DAB1: variants seen among roughly 807,000 people sequenced by gnomAD.
The protein encoded by DAB1 is DAB adaptor protein 1.
A neutral mutation model predicts 64.6 loss-of-function variants in DAB1; 15 were observed. That is an observed-to-expected ratio of 0.23 (90% CI 0.16 to 0.36). The LOEUF is 0.36. Among genes scored for constraint, DAB1 ranks in the 10% least tolerant of loss-of-function variants. The probability of loss-of-function intolerance (pLI) is 1.00; values close to 1 mark genes in which losing one functional copy is unlikely to be tolerated. For synonymous variants in DAB1, 235 were observed against 251.9 expected, an observed-to-expected ratio of 0.93 and a Z score of 0.64; for missense variants, 596 against 706.7, an observed-to-expected ratio of 0.84 and a Z score of 1.78.
intron 5 of DAB1, among the ~76,000 whole-genome samples, chr1:57,923,086 C>T (rs182874778): frequency 1.1e-3 from 164 of 150,304 alleles, no homozygotes; most frequent in Middle Eastern, 6.8e-3. Context: ...CAGGTTGAAA[C>T]CCTAGAATAA....
At chr1:57,847,530 A>G (rs1386359208) in intron 1 of DAB1, among the ~76,000 whole-genome samples, 2 of 152,182 alleles carry the variant, frequency 1.3e-5, no homozygotes, top group Non-Finnish European at 2.9e-5. Context: ...AAGAAAAATG[A>G]GAGAGAAAAG....
intron 7 of DAB1, among the ~76,000 whole-genome samples, chr1:57,547,620 G>A (rs1371111317): frequency 6.6e-6 from 1 of 152,106 alleles, no homozygotes; most frequent in African/African-American, 2.4e-5. Flanking sequence ...TGAAACTATT[G>A]TGAACGTATT....
intron 6 of DAB1, among the ~76,000 whole-genome samples, chr1:57,760,601 TTCTC>T (rs140338730): frequency 8.5e-5 from 9 of 105,388 alleles, no homozygotes; most frequent in Admixed American, 3.0e-4. Context: ...CTCAACTTCT[TTCTC>T]TCTCTCTCTC....
intron 5 of DAB1, among the ~76,000 whole-genome samples, chr1:58,010,619 A>G (rs1294539579): frequency 6.6e-6 from 1 of 152,196 alleles, no homozygotes; most frequent in East Asian, 1.9e-4. Flanking sequence ...GTTTCTTTAT[A>G]GTCCACTTCA....
At chr1:57,676,960 G>C (rs1210281600) in intron 6 of DAB1, among the ~76,000 whole-genome samples, 1 of 152,174 alleles carries the variant, frequency 6.6e-6, no homozygotes, top group Non-Finnish European at 1.5e-5. Context: ...CCAAATTCAT[G>C]TATTGAAGCC....
intron 4 of DAB1, among the ~76,000 whole-genome samples, chr1:58,324,354 G>T (rs952499547): frequency 1.3e-5 from 2 of 152,108 alleles, no homozygotes; most frequent in Non-Finnish European, 2.9e-5. Flanking sequence ...AAAATTATTT[G>T]TATGAATATC....
chr1:58,298,399 A>G (rs1662040223), intron 4 of DAB1, among the ~76,000 whole-genome samples: 1 of 152,046 alleles, frequency 6.6e-6, no homozygotes, highest in Non-Finnish European at 1.5e-5. Flanking sequence ...TACCTGTATT[A>G]TTTGTATCTC....
At chr1:58,148,093 A>T (rs528908678) in intron 5 of DAB1, among the ~76,000 whole-genome samples, 2 of 152,274 alleles carry the variant, frequency 1.3e-5, no homozygotes, top group South Asian at 4.1e-4. Flanking sequence ...GGAGTCATCA[A>T]ATCAACAAAA....
chr1:57,244,094 C>CT (rs1668692831), intron 2 of DAB1, among the ~76,000 whole-genome samples: 2 of 152,118 alleles, frequency 1.3e-5, no homozygotes, highest in Admixed American at 6.5e-5. Context: ...TATATATTCT[C>CT]TTTTTGTGTA....
At chr1:58,046,585 G>A (rs1003462915) in intron 5 of DAB1, among the ~76,000 whole-genome samples, 2 of 152,116 alleles carry the variant, frequency 1.3e-5, no homozygotes, top group African/African-American at 2.4e-5. Context: ...TACTAATGAG[G>A]TTGAACACAT....
intron 6 of DAB1, among the ~76,000 whole-genome samples, chr1:57,799,134 T>C (rs542610538): frequency 6.6e-6 from 1 of 152,256 alleles, no homozygotes; most frequent in South Asian, 2.1e-4. Context: ...GCAAAATGGG[T>C]ATACATTTTT....
At chr1:58,455,148 C>T (rs1645181005) in intron 3 of DAB1, among the ~76,000 whole-genome samples, 1 of 152,216 alleles carries the variant, frequency 6.6e-6, no homozygotes. Flanking sequence ...CAGGAAACAC[C>T]TGCAGGGGAT....
rs1239244896 is a variant in DAB1 at position 57,560,844 on chromosome 1, T to C, written n.625+88748A>G. Reference sequence around the variant, plus strand: ...TTTGGAGCAAGGCTCTGACATCTTCTTCAGATAACTACTCTCCTTTTGAGA... The same window carrying C: ...TTTGGAGCAAGGCTCTGACATCTTCCTCAGATAACTACTCTCCTTTTGAGA... On this transcript the variant is annotated intron_variant and non_coding_transcript_variant, in intron 7 of 20. Coordinates refer to the DAB1 transcript ENST00000485760. Among the ~76,000 whole-genome samples, 7 of 152,322 alleles carry C rather than the reference T, an allele frequency of 4.6e-5. No individual in the cohort carries two copies. In the East Asian group the frequency reaches 5.8e-4, roughly 13 times the overall value.
At chr1:57,421,904 G>GGGGGGGGGGGC (rs1684923129) in intron 1 of DAB1, among the ~76,000 whole-genome samples, 1 of 95,330 alleles carries the variant, frequency 1.0e-5, no homozygotes, top group African/African-American at 5.3e-5. Context: ...GGGGGTGGCG[G>GGGGGGGGGGGC]GGGGGGGGGT....
At chr1:58,178,596 T>TTAG (rs891418252) in intron 4 of DAB1, among the ~76,000 whole-genome samples, 14 of 152,258 alleles carry the variant, frequency 9.2e-5, no homozygotes, top group Admixed American at 8.5e-4. Context: ...ATGGTAGCTA[T>TTAG]TAGTAGTAGT....
At chr1:57,354,155 T>A (rs1360506304) in intron 1 of DAB1, among the ~76,000 whole-genome samples, 1 of 152,122 alleles carries the variant, frequency 6.6e-6, no homozygotes, top group African/African-American at 2.4e-5. Context: ...CAATCTTTCA[T>A]TGGAGCCAAA....
intron 5 of DAB1, among the ~76,000 whole-genome samples, chr1:58,105,083 G>A (rs548374835): frequency 1.3e-5 from 2 of 152,166 alleles, no homozygotes; most frequent in Admixed American, 1.3e-4. Flanking sequence ...TGTGATTTGC[G>A]ACCACAAAAA....
intron 2 of DAB1, among the ~76,000 whole-genome samples, chr1:57,222,516 T>C (rs1666959004): frequency 6.6e-6 from 1 of 152,084 alleles, no homozygotes; most frequent in South Asian, 2.1e-4. Context: ...CAGAAGTAGA[T>C]GAGCTGAGTA....
At chr1:57,504,012 G>C (rs1644317657) in intron 7 of DAB1, among the ~76,000 whole-genome samples, 1 of 152,156 alleles carries the variant, frequency 6.6e-6, no homozygotes, top group Admixed American at 6.5e-5. Context: ...AGTGCATATA[G>C]TACCTTTATG....
Sources: allele counts gnomAD v4.1 joint callset (sites outside exome capture counted in the v4.1 genomes callset), GRCh38; gene constraint gnomAD v4.1.1; transcripts MANE v1.5; gene names NCBI Gene and HGNC (gene_info 2026-07-23, HGNC 2026-07-21).